The following GGACT variants were observed in gnomAD, a reference collection of about 807,000 sequenced individuals.
The protein encoded by GGACT is gamma-glutamylaminecyclotransferase.
For missense variants in GGACT, 241 were observed against 233.2 expected, an observed-to-expected ratio of 1.03 and a Z score of -0.22; for synonymous variants, 118 against 115.3, an observed-to-expected ratio of 1.02 and a Z score of -0.15.
intron 2 of GGACT, chr13:100,539,561 C>T (rs2088529914): frequency 3.4e-6 from 1 of 289,994 alleles, no homozygotes; most frequent in Admixed American, 4.8e-5. Context: ...TCCCACTTGG[C>T]CATTGCATAT....
Position 100,583,854 on chromosome 13 carries a change from GCCT to G in GGACT, c.-43_-41del, listed in dbSNP as rs532980723. On this transcript the variant is annotated 5_prime_UTR_variant, in exon 2 of 3. Transcript: ENST00000683975. ...AAGCTTGTTTCTTCAAGGAAGTGTT[GCCT>G]TAGAATCCAGATCCACAGTAAGCCT... 3 of 152,316 alleles carry G rather than the reference GCCT, an allele frequency of 2.0e-5. No individual in the cohort carries two copies. The highest frequency in any genetic ancestry group is 4.1e-4 in the South Asian group (2 of 4,830). 9.4% of individuals were successfully genotyped at this position (152,316 alleles called of 1,614,324 possible).
intron 2 of GGACT, among the ~76,000 whole-genome samples, chr13:100,542,413 G>A (rs1156327878): frequency 6.6e-6 from 1 of 152,126 alleles, no homozygotes. Context: ...TCTAAAAAGC[G>A]TGTTCCAGCC....
At chr13:100,539,680 T>C (rs2088531507) in intron 2 of GGACT, 1 of 563,156 alleles carries the variant, frequency 1.8e-6, no homozygotes. Flanking sequence ...TGGAGTGTCT[T>C]TGGCCTTAGT....
At chr13:100,562,258 A>G (rs2088769326) in intron 2 of GGACT, among the ~76,000 whole-genome samples, 1 of 152,150 alleles carries the variant, frequency 6.6e-6, no homozygotes, top group Non-Finnish European at 1.5e-5. Context: ...CTCTACAACT[A>G]AGCTCGGTGA....
intron 2 of GGACT, among the ~76,000 whole-genome samples, chr13:100,566,881 G>A (rs990404248): frequency 6.6e-6 from 1 of 152,324 alleles, no homozygotes; most frequent in South Asian, 2.1e-4. Context: ...AGGGCCCAGT[G>A]CACAATCCCA....
At chr13:100,585,998 T>TAAAAA (rs1328223136) in intron 1 of GGACT, among the ~76,000 whole-genome samples, 3 of 151,860 alleles carry the variant, frequency 2.0e-5, no homozygotes, top group Non-Finnish European at 4.4e-5. Context: ...TAAAATAAAA[T>TAAAAA]AAAAAGGTAA....
At chr13:100,537,735 G>C (rs1301296057) in intron 2 of GGACT, 3 of 152,374 alleles carry the variant, frequency 2.0e-5, no homozygotes, top group Non-Finnish European at 4.4e-5. Context: ...CGGGCAGGGA[G>C]ACTGCCGCCA....
At position 100,545,579 on chromosome 13, in the gene GGACT, G is replaced by GCTGC. The variant is rs1399652444; in HGVS notation, c.-10-12982_-10-12979dup. Among the ~76,000 whole-genome samples, 1 of 152,254 alleles carries GCTGC rather than the reference G, an allele frequency of 6.6e-6. No homozygotes were observed. The highest frequency in any genetic ancestry group is 2.4e-5 in the African/African-American group (1 of 41,472). ...TCAGGGTTTATTAAGCACACCCTGG[G>GCTGC]CTGCCTGCCTGCCTGGCATGTGCCA... On this transcript the variant is annotated intron_variant, in intron 2 of 2. Transcript: ENST00000683975. This position sits in a 1 kb window ranked among gnomAD's most constrained non-coding sequence, Gnocchi z 4.4.
intron 2 of GGACT, among the ~76,000 whole-genome samples, chr13:100,574,563 G>A (rs940185683): frequency 4.6e-5 from 7 of 152,060 alleles, no homozygotes; most frequent in Admixed American, 4.6e-4. Flanking sequence ...GCAACAGAGC[G>A]AGACCCCATC....
intron 2 of GGACT, chr13:100,533,616 T>C (rs1199929345): frequency 6.6e-6 from 1 of 152,224 alleles, no homozygotes; most frequent in African/African-American, 2.4e-5. Flanking sequence ...TCCACTCAGG[T>C]CCTGGCAGTC....
In GGACT at chr13:100,532,490, GCCGCGCGCC is replaced by G; in HGVS notation, c.93_101del (p.Ala32_Gly34del). ...CCAACGGGTAGGGCTCCAGCGTGCG[GCCGCGCGCC>G]CGAAAGGCTGCGGAGCCGTGGGCGC... is the stretch of plus-strand genomic sequence containing the variant. On this transcript the variant is annotated inframe_deletion, in exon 3 of 3. Transcript: ENST00000683975. 6.5e-7 allele frequency: 1 copy of G among 1,548,892 alleles called. No individual in the cohort carries two copies. Among genetic ancestry groups the G allele is most frequent in the South Asian group, 1.2e-5 (1 of 83,990 alleles).
chr13:100,544,314 C>T (rs1237736962), intron 2 of GGACT, among the ~76,000 whole-genome samples: 2 of 152,220 alleles, frequency 1.3e-5, no homozygotes, highest in Admixed American at 1.3e-4. Flanking sequence ...GGCCTGTGTG[C>T]GCGAGGCGGG....
At chr13:100,563,157 T>C (rs2088780737) in intron 2 of GGACT, among the ~76,000 whole-genome samples, 1 of 152,196 alleles carries the variant, frequency 6.6e-6, no homozygotes, top group Non-Finnish European at 1.5e-5. Flanking sequence ...AGTGAATGAA[T>C]GCACTGATGG....
chr13:100,536,505 GTGTTT>G (rs1300821317), intron 2 of GGACT: 4 of 142,636 alleles, frequency 2.8e-5, no homozygotes, highest in Non-Finnish European at 1.5e-5. Flanking sequence ...TTCTTGTTGT[GTGTTT>G]TTTTTTTCAA....
chr13:100,562,518 A>T (rs2088772356), intron 2 of GGACT, among the ~76,000 whole-genome samples: 1 of 152,160 alleles, frequency 6.6e-6, no homozygotes. Context: ...ACATGAGGCC[A>T]GGTGTGGTGG....
At chr13:100,540,451 T>C (rs2088542698) in intron 2 of GGACT, among the ~76,000 whole-genome samples, 1 of 152,212 alleles carries the variant, frequency 6.6e-6, no homozygotes, top group East Asian at 1.9e-4. Context: ...TTCTGCAAGA[T>C]GTGTTGTTCT....
chr13:100,543,145 G>A (rs1251798954), intron 2 of GGACT, among the ~76,000 whole-genome samples: 1 of 139,952 alleles, frequency 7.1e-6, no homozygotes, highest in Non-Finnish European at 1.5e-5. Flanking sequence ...GAAAGGGCTA[G>A]TGTTTAACTC....
intron 2 of GGACT, among the ~76,000 whole-genome samples, chr13:100,561,225 T>C (rs2088756957): frequency 6.6e-6 from 1 of 152,230 alleles, no homozygotes; most frequent in South Asian, 2.1e-4. Context: ...TGTGTTATAT[T>C]TCATTTTGGT....
At chr13:100,557,473 G>T (rs1344665088) in intron 2 of GGACT, among the ~76,000 whole-genome samples, 1 of 152,176 alleles carries the variant, frequency 6.6e-6, no homozygotes, top group African/African-American at 2.4e-5. Flanking sequence ...ACCCCTACTT[G>T]TAGGGTCAAC....
Sources: allele counts gnomAD v4.1 joint callset (sites outside exome capture counted in the v4.1 genomes callset), GRCh38; gene constraint gnomAD v4.1.1; non-coding constraint Gnocchi (gnomAD v3.1); transcripts MANE v1.5; gene names NCBI Gene and HGNC (gene_info 2026-07-23, HGNC 2026-07-21).